GRIK2: variants seen among roughly 807,000 people sequenced by gnomAD.
The protein encoded by GRIK2 is glutamate receptor ionotropic, kainate 2.
Under a neutral mutation model 100.3 loss-of-function variants are expected in GRIK2, and 32 were observed. The ratio of observed to expected loss-of-function variants is 0.32; its 90% CI spans 0.24 to 0.43. The LOEUF (loss-of-function observed/expected upper bound fraction) is 0.43. Ranked by LOEUF, GRIK2 falls within the 20% of genes least tolerant of loss-of-function variation. The pLI, the probability that GRIK2 is intolerant of heterozygous loss-of-function variation, is 1.00. For synonymous variants in GRIK2, 417 were observed against 389.4 expected (o/e 1.07, Z -0.83); for missense variants, 843 against 1,114.9 (o/e 0.76, Z 3.47).
At chr6:101,602,875 G>C (rs1779286495) in intron 2 of GRIK2, among the ~76,000 whole-genome samples, 1 of 151,640 alleles carries the variant, frequency 6.6e-6, no homozygotes, top group South Asian at 2.1e-4. Flanking sequence ...TTGAATTGTT[G>C]AGTGATTTGC....
chr6:101,907,928 T>C (rs1282297146), intron 12 of GRIK2, among the ~76,000 whole-genome samples: 1 of 151,512 alleles, frequency 6.6e-6, no homozygotes, highest in Non-Finnish European at 1.5e-5. Flanking sequence ...TTTTTCAGGG[T>C]CTTTGGAATT....
At chr6:101,442,937 T>C (rs1434154014) in intron 2 of GRIK2, among the ~76,000 whole-genome samples, 1 of 152,276 alleles carries the variant, frequency 6.6e-6, no homozygotes, top group East Asian at 1.9e-4. Flanking sequence ...ATAAATAACA[T>C]AAGATTCTTT....
chr6:101,429,510 G>A (rs1395092874), intron 2 of GRIK2, among the ~76,000 whole-genome samples: 2 of 152,104 alleles, frequency 1.3e-5, no homozygotes, highest in Non-Finnish European at 2.9e-5. Context: ...GAGAAATGAG[G>A]AGCAGTTAGT....
intron 2 of GRIK2, among the ~76,000 whole-genome samples, chr6:101,561,827 A>G (rs2128295833): frequency 6.6e-6 from 1 of 152,284 alleles, no homozygotes; most frequent in South Asian, 2.1e-4. Flanking sequence ...CAAAGATTAG[A>G]GTTTAATTTT....
intron 4 of GRIK2, among the ~76,000 whole-genome samples, chr6:101,666,851 T>C (rs1257590956): frequency 6.6e-6 from 1 of 152,130 alleles, no homozygotes; most frequent in Non-Finnish European, 1.5e-5. Context: ...GTAGGGCCTG[T>C]TGAGACACAT....
intron 2 of GRIK2, among the ~76,000 whole-genome samples, chr6:101,562,639 G>A (rs933114898): frequency 6.6e-6 from 1 of 151,920 alleles, no homozygotes; most frequent in African/African-American, 2.4e-5. Flanking sequence ...CACCGTGCCC[G>A]GCCAGTTTGA....
At chr6:101,806,668 T>C (rs1173791354) in intron 9 of GRIK2, among the ~76,000 whole-genome samples, 1 of 151,728 alleles carries the variant, frequency 6.6e-6, no homozygotes, top group Non-Finnish European at 1.5e-5. Flanking sequence ...CAAAGTTTTC[T>C]TATCACTTTG....
intron 2 of GRIK2, among the ~76,000 whole-genome samples, chr6:101,531,537 C>G (rs1240567100): frequency 6.6e-6 from 1 of 151,828 alleles, no homozygotes. Context: ...ACCTCCTTCT[C>G]CTGCTTGAGA....
chr6:101,545,971 C>T (rs1056177825), intron 2 of GRIK2, among the ~76,000 whole-genome samples: 6 of 150,712 alleles, frequency 4.0e-5, no homozygotes, highest in Non-Finnish European at 7.4e-5. Flanking sequence ...GAGCTGATCC[C>T]TCTAGCTTTT....
intron 5 of GRIK2, among the ~76,000 whole-genome samples, chr6:101,678,460 T>C (rs1771001307): frequency 6.6e-6 from 1 of 152,094 alleles, no homozygotes; most frequent in African/African-American, 2.4e-5. Context: ...ATATGAAAGT[T>C]GAGATGAATC....
chr6:101,654,183 A>G (rs371872707), intron 4 of GRIK2, among the ~76,000 whole-genome samples: 1 of 152,098 alleles, frequency 6.6e-6, no homozygotes, highest in African/African-American at 2.4e-5. Flanking sequence ...TTGACCCCAT[A>G]TGAGTGGGGC....
At chr6:101,431,864 T>C (rs1190476795) in intron 2 of GRIK2, among the ~76,000 whole-genome samples, 1 of 152,122 alleles carries the variant, frequency 6.6e-6, no homozygotes, top group East Asian at 1.9e-4. Flanking sequence ...CCATTTAGTG[T>C]AGACCCACGT....
chr6:101,448,988 A>G (rs1345687158), intron 2 of GRIK2, among the ~76,000 whole-genome samples: 1 of 151,642 alleles, frequency 6.6e-6, no homozygotes, highest in Non-Finnish European at 1.5e-5. Flanking sequence ...AGATAAAAAG[A>G]AAGCAGAGAA....
intron 7 of GRIK2, among the ~76,000 whole-genome samples, chr6:101,753,254 G>A (rs1776905488): frequency 6.9e-6 from 1 of 145,038 alleles, no homozygotes; most frequent in Non-Finnish European, 1.5e-5. Context: ...CTGCACTCCA[G>A]CCTGGGCGGC....
At chr6:101,966,440 G>C (rs1003944837) in intron 14 of GRIK2, among the ~76,000 whole-genome samples, 5 of 152,230 alleles carry the variant, frequency 3.3e-5, no homozygotes, top group East Asian at 1.9e-4. Context: ...AGAAGTAATA[G>C]AGTTTGACAA....
chr6:101,888,884 A>G (rs901833048), intron 11 of GRIK2, among the ~76,000 whole-genome samples: 2 of 152,170 alleles, frequency 1.3e-5, no homozygotes, highest in Non-Finnish European at 2.9e-5. Flanking sequence ...TTCTTACAAT[A>G]TATTAGAGCT....
chr6:102,010,188 A>G (rs906515753), intron 14 of GRIK2, among the ~76,000 whole-genome samples: 1 of 152,108 alleles, frequency 6.6e-6, no homozygotes, highest in Admixed American at 6.6e-5. Flanking sequence ...ACACTGGCAC[A>G]TGATTATCAC....
chr6:101,487,382 GTAC>G (rs1772884130), intron 2 of GRIK2, among the ~76,000 whole-genome samples: 1 of 146,088 alleles, frequency 6.8e-6, no homozygotes, highest in South Asian at 2.2e-4. Flanking sequence ...CTGAGCCTCA[GTAC>G]TACATTTTAA....
chr6:102,034,070 C>G (rs918678083), intron 14 of GRIK2, among the ~76,000 whole-genome samples: 1 of 151,308 alleles, frequency 6.6e-6, no homozygotes, highest in Non-Finnish European at 1.5e-5. Context: ...GTGGCTCATG[C>G]TTGTAATCCT....
Sources: allele counts gnomAD v4.1 joint callset (sites outside exome capture counted in the v4.1 genomes callset), GRCh38; gene constraint gnomAD v4.1.1; transcripts MANE v1.5; gene names NCBI Gene and HGNC (gene_info 2026-07-23, HGNC 2026-07-21).